Variants in SYNE3 observed in about 807,000 individuals in gnomAD.
SYNE3 encodes the protein spectrin repeat containing nuclear envelope family member 3, also known as nesprin-3.
In SYNE3, 100 loss-of-function variants were observed where a neutral mutation model predicts 111.2. That is an observed-to-expected ratio of 0.90 (90% CI 0.77 to 1.06). SYNE3 has a LOEUF of 1.06. Among genes scored for constraint, SYNE3 ranks in the 50% least tolerant of loss-of-function variants. The pLI is 0.00. For synonymous variants in SYNE3, 547 were observed against 533.9 expected, an observed-to-expected ratio of 1.02 and a Z score of -0.34; for missense variants, 1,160 against 1,240.3, an observed-to-expected ratio of 0.94 and a Z score of 0.97.
At chr14:95,448,995 A>G (rs1886885688) in intron 8 of SYNE3, among the ~76,000 whole-genome samples, 1 of 152,206 alleles carries the variant, frequency 6.6e-6, no homozygotes, top group Admixed American at 6.5e-5. Flanking sequence ...ATGATTATAC[A>G]TCTCACACAC....
At chr14:95,511,709 C>A (rs1890726770) in intron 1 of SYNE3, among the ~76,000 whole-genome samples, 1 of 151,704 alleles carries the variant, frequency 6.6e-6, no homozygotes, top group African/African-American at 2.4e-5. Flanking sequence ...AGCAAGACTC[C>A]TTCTCAAAAA....
At chr14:95,448,191 A>G (rs1417514045) in intron 8 of SYNE3, among the ~76,000 whole-genome samples, 4 of 152,256 alleles carry the variant, frequency 2.6e-5, no homozygotes, top group Admixed American at 6.5e-5. Context: ...TCTCATGGAA[A>G]TATCTAAATG....
At chr14:95,436,037 C>T (rs1332545573) in intron 15 of SYNE3, among the ~76,000 whole-genome samples, 1 of 152,144 alleles carries the variant, frequency 6.6e-6, no homozygotes, top group Non-Finnish European at 1.5e-5. Context: ...GGAGCTTTAG[C>T]AACTGATTAG....
rs150008529 is a variant in SYNE3 at position 95,501,132 on chromosome 14, G to A, written c.-15+15464C>T. Among the ~76,000 whole-genome samples the A allele has an allele frequency of 6.3e-3, 963 of 152,326 alleles. 6 individuals carry two copies. Among genetic ancestry groups the A allele is most frequent in the Middle Eastern group, 0.01 (3 of 294 alleles). ...ACCACATGTGCTGGGCCTCAGCAATGTCCACTCTGTGGAGCTGGTGACTCC... is the reference window on the plus strand; with the variant it reads ...ACCACATGTGCTGGGCCTCAGCAATATCCACTCTGTGGAGCTGGTGACTCC... On this transcript the variant is annotated intron_variant, in intron 1 of 17. Coordinates refer to ENST00000682763, the MANE Select transcript of SYNE3 (RefSeq NM_152592.6).
intron 1 of SYNE3, among the ~76,000 whole-genome samples, chr14:95,476,790 T>C (rs1022609992): frequency 6.6e-6 from 1 of 152,284 alleles, no homozygotes; most frequent in African/African-American, 2.4e-5. Flanking sequence ...AAGGCCAATG[T>C]TGTTAAATGA....
Position 95,439,782 on chromosome 14 carries a change from C to A in SYNE3, c.2076G>T (p.Arg692Ser), listed in dbSNP as rs1354127661. The part of the protein sequence containing the change: ...DAESQEAEFE[R>S]LVAEFPEKEA... ...CCTTCTCCGGGAATTCTGCCACCAG[C>A]CTCTAAAGGACACACGGACACACAG... Residue 692 changes from arginine (R) to serine (S), a missense_variant and splice_region_variant, in exon 13 of 18, where the codon AGG (arginine) becomes AGT (serine). Physicochemically the swap from Arg to Ser is moderately radical, Grantham distance 110. Transcript: ENST00000682763. 1 of 1,611,336 alleles carries A rather than the reference C, an allele frequency of 6.2e-7. No individual in the cohort carries two copies. Among genetic ancestry groups the A allele is most frequent in the Middle Eastern group, 1.7e-4 (1 of 6,050 alleles).
rs1204489224 is a variant in SYNE3, at chr14:95,457,053, C to T, written c.789+124G>A. The T allele has an allele frequency of 4.4e-6, 6 of 1,356,432 alleles. No homozygotes were observed. The Admixed American group carries it at 1.4e-4, about 31-fold the overall frequency. 84.0% of individuals were successfully genotyped at this position (1,356,432 alleles called of 1,614,324 possible). On this transcript the variant is annotated intron_variant, in intron 5 of 17. Coordinates refer to ENST00000682763, the MANE Select transcript of SYNE3 (RefSeq NM_152592.6). ...TGAGCTGAGATCGCGCCACTGCACT[C>T]CAGCCTGAGCAACAGAGCAAGACTC...
At chr14:95,471,308 C>T (rs1390549728) in intron 2 of SYNE3, among the ~76,000 whole-genome samples, 1 of 152,236 alleles carries the variant, frequency 6.6e-6, no homozygotes, top group African/African-American at 2.4e-5. Context: ...GACAATGGCC[C>T]CTTCTCCAAA....
rs140616735 is a variant in SYNE3 at position 95,511,334 on chromosome 14, T to A, written c.-15+5262A>T. ...TGCTTCTGTGTTTTCTTTGAGGATG[T>A]TTCTGTTCATGTAAGTTCTAGAAAT... is the stretch of plus-strand genomic sequence containing the variant. On this transcript the variant is annotated intron_variant, in intron 1 of 17. Transcript: ENST00000682763. Among the ~76,000 whole-genome samples, 76 of 152,332 alleles carry A rather than the reference T, an allele frequency of 5.0e-4. 1 individual carries two copies. The highest frequency in any genetic ancestry group is 1.7e-3 in the African/African-American group (70 of 41,582).
chr14:95,478,756 A>T (rs570351494), intron 1 of SYNE3, among the ~76,000 whole-genome samples: 9 of 152,190 alleles, frequency 5.9e-5, no homozygotes, highest in African/African-American at 1.7e-4. Flanking sequence ...TGCTTTTACG[A>T]CCCTTTGAAA....
At position 95,475,662 on chromosome 14, in the gene SYNE3, C is replaced by T; in HGVS notation, c.144+16G>A. On this transcript the variant is annotated intron_variant, in intron 2 of 17. Coordinates refer to ENST00000682763, the MANE Select transcript of SYNE3 (RefSeq NM_152592.6). ...GCCAAGACCACAGGGCCATCTGAGG[C>T]CACGCCTCTGCATACCTCGGTCTCC... 6.6e-7 allele frequency: 1 copy of T among 1,508,414 alleles called. No individual in the cohort carries two copies. Among genetic ancestry groups the T allele is most frequent in the South Asian group, 1.3e-5 (1 of 74,516 alleles). The allele number at this position is 1,508,414 out of a possible 1,614,324, so 93.4% of individuals were successfully genotyped here. A position where few individuals can be genotyped will look rare whatever the true frequency, so the allele number is the denominator to read the frequency against.
chr14:95,465,816 AGATT>A, intron 4 of SYNE3, 111 bp downstream of exon 4: 1 of 1,126,316 alleles, frequency 8.9e-7, no homozygotes. Context: ...GTAGAAAGAT[AGATT>A]GATAGTAGGT....
At chr14:95,429,869 C>T (rs1455078227) in intron 17 of SYNE3, 5 of 913,250 alleles carry the variant, frequency 5.5e-6, no homozygotes, top group East Asian at 1.2e-4. Context: ...TGGACATGTG[C>T]GCTCTGGTCC....
At position 95,449,938 on chromosome 14, in the gene SYNE3, T is replaced by C; in HGVS notation, c.1442A>G (p.Gln481Arg). The C allele has an allele frequency of 6.4e-7, 1 of 1,552,298 alleles. No individual in the cohort carries two copies. The highest frequency in any genetic ancestry group is 8.7e-7 in the Non-Finnish European group (1 of 1,147,508). ...TGGCAGGACCACGGTTACCTCGATCTGGGGCAGGAAGGTGTGAAGGGAAGG... is the reference window on the plus strand; with the variant it reads ...TGGCAGGACCACGGTTACCTCGATCCGGGGCAGGAAGGTGTGAAGGGAAGG... ...DLPSLHTFLP[Q>R]IEAALMESSR... The change falls in exon 8 of 18, where the codon CAG (glutamine) becomes CGG (arginine). Residue 481 changes from glutamine to arginine, a missense_variant. By Grantham distance (43) the Gln-to-Arg change is conservative. Coordinates refer to ENST00000682763, the MANE Select transcript of SYNE3 (RefSeq NM_152592.6).
At chr14:95,465,191 G>A (rs1487118671) in intron 4 of SYNE3, among the ~76,000 whole-genome samples, 1 of 152,112 alleles carries the variant, frequency 6.6e-6, no homozygotes, top group Non-Finnish European at 1.5e-5. Context: ...AGGAAGGGAG[G>A]GGAGGAGGGA....
chr14:95,453,543 T>C (rs1887222191), intron 6 of SYNE3, among the ~76,000 whole-genome samples: 1 of 152,262 alleles, frequency 6.6e-6, no homozygotes, highest in Non-Finnish European at 1.5e-5. Context: ...AATGTTCCTA[T>C]TGCTATTCAA....
In SYNE3 at chr14:95,423,586, C is replaced by G. The variant is rs1332898967; in HGVS notation, c.2728-5560G>C. The stretch of plus-strand genomic sequence containing the variant: ...TTGATGGGGATGAGGATTTGGTAGG[C>G]ATGGGGATTTGATGGGGATGGGGAT... On this transcript the variant is annotated intron_variant, in intron 17 of 17. Transcript: ENST00000682763. 7.1e-4 allele frequency among the ~76,000 whole-genome samples: 2 copies of G among 2,816 alleles called. 1 individual carries two copies. Among genetic ancestry groups the G allele is most frequent in the African/African-American group, 2.3e-3 (2 of 876 alleles). The allele number at this position is 2,816 out of a possible 152,430, so 1.8% of individuals were successfully genotyped here.
chr14:95,466,312 C>T (rs1360256319), intron 3 of SYNE3, 72 bp from the exon 4 acceptor site: 7 of 1,486,350 alleles, frequency 4.7e-6, no homozygotes, highest in Non-Finnish European at 6.3e-6. Flanking sequence ...TCTGTGCTGT[C>T]ACCCCCTCCC....
Position 95,481,894 on chromosome 14 carries a change from C to T in SYNE3, c.-14-6059G>A, listed in dbSNP as rs75359871. Among the ~76,000 whole-genome samples, 240 of 152,386 alleles carry T rather than the reference C, an allele frequency of 1.6e-3. 1 individual carries two copies. The highest frequency in any genetic ancestry group is 5.8e-3 in the East Asian group (30 of 5,194). ...ATACTGGCACCTGGCACTGAAAAAA[C>T]GCCCGAGGCAGATCGCCTGCTGGGT... On this transcript the variant is annotated intron_variant, in intron 1 of 17. Coordinates refer to ENST00000682763, the MANE Select transcript of SYNE3 (RefSeq NM_152592.6).
Sources: gnomAD v4.1 joint callset for allele counts (sites outside exome capture counted in the v4.1 genomes callset) on GRCh38, gnomAD v4.1.1 for gene constraint, MANE v1.5 for transcripts, NCBI Gene and HGNC (gene_info 2026-07-23, HGNC 2026-07-21) for gene names.